Variants in NFIB observed in about 807,000 individuals in gnomAD.
The protein encoded by NFIB is nuclear factor I B, also known as nuclear factor 1 B-type.
Under a neutral mutation model 61.5 loss-of-function variants are expected in NFIB, and 11 were observed. That is an observed-to-expected ratio of 0.18 (90% CI 0.11 to 0.30). The LOEUF (loss-of-function observed/expected upper bound fraction) is 0.30, where lower values mean the gene tolerates loss of function less well. NFIB is among the 10% of genes least tolerant of loss of function. The pLI is 1.00. For missense variants in NFIB, 471 were observed against 608.9 expected (o/e 0.77, Z 2.38); for synonymous variants, 260 against 216.5 (o/e 1.20, Z -1.76).
At chr9:14,358,081 G>T (rs112081607) in intron 1 of NFIB, among the ~76,000 whole-genome samples, 1 of 151,960 alleles carries the variant, frequency 6.6e-6, no homozygotes, top group Non-Finnish European at 1.5e-5. Context: ...TGATGGTTGT[G>T]CAACTTTGTG....
intron 3 of NFIB, among the ~76,000 whole-genome samples, chr9:14,178,802 G>C (rs758227579): frequency 1.7e-4 from 26 of 152,056 alleles, no homozygotes; most frequent in Non-Finnish European, 3.2e-4. Context: ...ACGACTTCAA[G>C]GAAGATCAAA....
At chr9:14,308,822 G>A (rs2060149366) in intron 1 of NFIB, among the ~76,000 whole-genome samples, 1 of 152,144 alleles carries the variant, frequency 6.6e-6, no homozygotes, top group African/African-American at 2.4e-5. Context: ...TAAGGGAGGG[G>A]ATCAGTGAGG....
intron 1 of NFIB, among the ~76,000 whole-genome samples, chr9:14,320,368 T>C (rs965813512): frequency 3.3e-5 from 5 of 152,228 alleles, no homozygotes; most frequent in Non-Finnish European, 7.3e-5. Flanking sequence ...TTTTCCTGTG[T>C]TCCTCATCAC....
At chr9:14,327,984 C>G (rs898071152) in intron 1 of NFIB, among the ~76,000 whole-genome samples, 1 of 152,172 alleles carries the variant, frequency 6.6e-6, no homozygotes. Context: ...ATAGAATTTA[C>G]CTAGCACCCA....
intron 2 of NFIB, among the ~76,000 whole-genome samples, chr9:14,183,329 C>G (rs976702555): frequency 1.4e-4 from 21 of 152,098 alleles, no homozygotes; most frequent in Admixed American, 1.2e-3. Context: ...TTCCAGAAGG[C>G]TGAAGTCTTT....
At chr9:14,274,077 G>A (rs1293551501) in intron 2 of NFIB, among the ~76,000 whole-genome samples, 2 of 152,100 alleles carry the variant, frequency 1.3e-5, no homozygotes, top group Non-Finnish European at 2.9e-5. Flanking sequence ...AAGTGTAAAT[G>A]GTGAATGCTT....
At chr9:14,171,810 T>C (rs748215048) in intron 3 of NFIB, among the ~76,000 whole-genome samples, 28 of 152,178 alleles carry the variant, frequency 1.8e-4, no homozygotes, top group Non-Finnish European at 3.8e-4. Context: ...GAAAAGTAGT[T>C]GGACACATAG....
chr9:14,528,601 A>C, the NFIB span, among the ~76,000 whole-genome samples: 1 of 152,164 alleles, frequency 6.6e-6, no homozygotes, highest in Non-Finnish European at 1.5e-5. Flanking sequence ...TTCATGATTA[A>C]AGTAAACTTA....
chr9:14,281,830 C>A (rs2058389093), intron 2 of NFIB, among the ~76,000 whole-genome samples: 1 of 151,858 alleles, frequency 6.6e-6, no homozygotes, highest in Non-Finnish European at 1.5e-5. Context: ...CACACACACA[C>A]ACGTGCACAC....
chr9:14,149,908 A>G (rs1188121986), intron 5 of NFIB, among the ~76,000 whole-genome samples: 1 of 152,166 alleles, frequency 6.6e-6, no homozygotes, highest in Admixed American at 6.6e-5. Context: ...TCATATTAAT[A>G]TATTTTCCTA....
chr9:14,427,446 G>A, the NFIB span, among the ~76,000 whole-genome samples: 3 of 152,174 alleles, frequency 2.0e-5, no homozygotes, highest in Non-Finnish European at 2.9e-5. Context: ...GAGGGGCCAA[G>A]TAACTTTCCT....
intron 2 of NFIB, among the ~76,000 whole-genome samples, chr9:14,279,577 A>C (rs1009068911): frequency 3.1e-4 from 47 of 152,212 alleles, no homozygotes; most frequent in Non-Finnish European, 2.9e-5. Flanking sequence ...AGACAATAAA[A>C]CATAAATCTA....
chr9:14,438,391 G>C, the NFIB span, among the ~76,000 whole-genome samples: 3 of 152,178 alleles, frequency 2.0e-5, no homozygotes, highest in African/African-American at 7.2e-5. Context: ...GATCCTGAGA[G>C]AGCATGAAAC....
intron 8 of NFIB, 54 bp from the exon 9 acceptor site, chr9:14,116,400 G>T (rs889228666): frequency 2.1e-6 from 3 of 1,426,240 alleles, no homozygotes; most frequent in South Asian, 1.6e-5. Context: ...CAGTCATCTT[G>T]TTCAACAAGT....
chr9:14,457,492 A>T, the NFIB span, among the ~76,000 whole-genome samples: 2 of 152,104 alleles, frequency 1.3e-5, no homozygotes, highest in Admixed American at 6.5e-5. Context: ...AGCTAGCAGA[A>T]GGCAAGAAAT....
intron 2 of NFIB, among the ~76,000 whole-genome samples, chr9:14,252,479 G>A (rs1285422360): frequency 1.3e-5 from 2 of 151,786 alleles, no homozygotes; most frequent in Non-Finnish European, 2.9e-5. Flanking sequence ...TAACTGCTGA[G>A]AAATAATGGG....
At chr9:14,460,982 C>G in the NFIB span, among the ~76,000 whole-genome samples, 1 of 150,718 alleles carries the variant, frequency 6.6e-6, no homozygotes, top group Non-Finnish European at 1.5e-5. Context: ...TTATCTGCAG[C>G]TTTTCTTTTG....
At chr9:14,125,813 T>G (rs1202251108) in intron 6 of NFIB, 47 bp from the exon 7 acceptor site, 1 of 1,596,142 alleles carries the variant, frequency 6.3e-7, no homozygotes, top group Admixed American at 1.8e-5. Context: ...TTTCTTAAGC[T>G]CTAAGGTTCA....
intron 1 of NFIB, among the ~76,000 whole-genome samples, chr9:14,344,108 A>AGAGAGAGAG (rs2060988361): frequency 7.1e-6 from 1 of 141,458 alleles, no homozygotes; most frequent in African/African-American, 2.6e-5. Flanking sequence ...GAGAGAGAGA[A>AGAGAGAGAG]AGAGAGAGAG....
Sources: gnomAD v4.1 joint callset for allele counts (sites outside exome capture counted in the v4.1 genomes callset) on GRCh38, gnomAD v4.1.1 for gene constraint, MANE v1.5 for transcripts, NCBI Gene and HGNC (gene_info 2026-07-23, HGNC 2026-07-21) for gene names.